The following IRAG1 variants were observed in gnomAD, a reference collection of about 807,000 sequenced individuals.
The protein encoded by IRAG1 is inositol 1,4,5-triphosphate receptor associated 1, also known as IP3R-associated cGMP kinase substrate.
A neutral mutation model predicts 106.2 loss-of-function variants in IRAG1; 62 were observed. The observed-to-expected ratio is 0.58, with a 90% CI of 0.48 to 0.72. The LOEUF (loss-of-function observed/expected upper bound fraction) is 0.72, where lower values mean the gene tolerates loss of function less well. Ranked by LOEUF, IRAG1 falls within the 30% of genes least tolerant of loss-of-function variation. IRAG1 has a pLI of 0.00. For missense variants in IRAG1, 1,064 were observed against 1,140.7 expected (o/e 0.93, Z 0.97); for synonymous variants, 462 against 443.9 (o/e 1.04, Z -0.51).
At chr11:10,675,964 C>G (rs1589962441) in intron 1 of IRAG1, among the ~76,000 whole-genome samples, 1 of 152,254 alleles carries the variant, frequency 6.6e-6, no homozygotes, top group African/African-American at 2.4e-5. Flanking sequence ...AGCCTCTCCC[C>G]TGCCTCATGG....
At chr11:10,613,227 C>T (rs980701092) in intron 10 of IRAG1, among the ~76,000 whole-genome samples, 11 of 145,536 alleles carry the variant, frequency 7.6e-5, no homozygotes, top group African/African-American at 2.6e-4. Context: ...TGACAGACCG[C>T]ATCATGTTAA....
Position 10,626,080 on chromosome 11 carries a change from T to A in IRAG1, c.1254A>T (p.Glu418Asp). The change falls in exon 9 of 21, where the codon GAA becomes GAT. Residue 418 changes from glutamate to aspartate, a missense_variant. Glu to Asp is a conservative substitution (Grantham distance 45, BLOSUM62 2). Transcript: ENST00000423302. ...KVLAKLPLAE[E>D]EKRFAGKAGG... The stretch of plus-strand genomic sequence containing the variant: ...CGGCCTTGCCTGCAAAACGCTTTTC[T>A]TCCTCTGCCAGTGGCAGCTTGGCAA... 6.5e-7 allele frequency: 1 copy of A among 1,539,834 alleles called. No individual in the cohort carries two copies. Among genetic ancestry groups the A allele is most frequent in the Middle Eastern group, 1.8e-4 (1 of 5,708 alleles).
At chr11:10,672,496 A>G (rs1860315815) in intron 1 of IRAG1, among the ~76,000 whole-genome samples, 2 of 152,230 alleles carry the variant, frequency 1.3e-5, no homozygotes, top group African/African-American at 4.8e-5. Flanking sequence ...AAGTAATACA[A>G]TTTTTAAATG....
rs1293018822 is a variant in IRAG1, at chr11:10,573,250, G to C, written c.*3082C>G. 3 of 152,192 alleles carry C rather than the reference G, an allele frequency of 2.0e-5. No homozygotes were observed. The highest frequency in any genetic ancestry group is 7.2e-5 in the African/African-American group (3 of 41,442). The allele number at this position is 152,192 out of a possible 1,614,324, so 9.4% of individuals were successfully genotyped here. A position where few individuals can be genotyped will look rare whatever the true frequency, so the allele number is the denominator to read the frequency against. ...CATTTACTCTGTCAGGCTGTATATG[G>C]GGAGCAACACATATGGCTTTGTGGC... On this transcript the variant is annotated 3_prime_UTR_variant, in exon 21 of 21. Coordinates refer to ENST00000423302, the MANE Select transcript of IRAG1 (RefSeq NM_130385.4).
intron 7 of IRAG1, 80 bp downstream of exon 7, chr11:10,627,893 C>T (rs769100114): frequency 7.2e-5 from 114 of 1,572,642 alleles, no homozygotes; most frequent in Non-Finnish European, 8.9e-5. Context: ...CAGTGGGTCA[C>T]GAAGGGCCTC....
chr11:10,678,102 C>T (rs1180097679), intron 1 of IRAG1, among the ~76,000 whole-genome samples: 1 of 152,036 alleles, frequency 6.6e-6, no homozygotes, highest in African/African-American at 2.4e-5. Context: ...GTGTTGTTTC[C>T]TCCTTTTGGC....
At chr11:10,586,387 C>T (rs1039211948) in intron 18 of IRAG1, among the ~76,000 whole-genome samples, 2 of 151,916 alleles carry the variant, frequency 1.3e-5, no homozygotes, top group Non-Finnish European at 2.9e-5. Flanking sequence ...CTCCCCTCCC[C>T]CACACCCTCT....
At chr11:10,583,492 A>G (rs576447309) in intron 18 of IRAG1, among the ~76,000 whole-genome samples, 44 of 152,330 alleles carry the variant, frequency 2.9e-4, no homozygotes, top group Admixed American at 1.2e-3. Context: ...ATTTGATAAT[A>G]CAGAGGTCAA....
At chr11:10,626,784 T>C (rs1432540312) in intron 8 of IRAG1, among the ~76,000 whole-genome samples, 1 of 152,208 alleles carries the variant, frequency 6.6e-6, no homozygotes, top group Non-Finnish European at 1.5e-5. Flanking sequence ...AAATGGAACC[T>C]GCAATCCAAA....
At chr11:10,583,285 T>C (rs1018117575) in intron 18 of IRAG1, among the ~76,000 whole-genome samples, 1 of 152,078 alleles carries the variant, frequency 6.6e-6, no homozygotes, top group Admixed American at 6.6e-5. Context: ...GACCAAGTCA[T>C]GAGGAACTCC....
chr11:10,667,002 CA>C (rs1859834635), intron 1 of IRAG1, among the ~76,000 whole-genome samples: 1 of 152,208 alleles, frequency 6.6e-6, no homozygotes, highest in Non-Finnish European at 1.5e-5. Flanking sequence ...TCGGCTCAGA[CA>C]CCCCTCTTTC....
intron 1 of IRAG1, among the ~76,000 whole-genome samples, chr11:10,675,843 T>A (rs12363422): frequency 1.3e-5 from 2 of 151,984 alleles, no homozygotes; most frequent in Non-Finnish European, 2.9e-5. Flanking sequence ...TGGCCACCTT[T>A]GCCCAGGTTA....
At position 10,634,077 on chromosome 11, in the gene IRAG1, G is replaced by A. The variant is rs747462984; in HGVS notation, c.226-6C>T. On this transcript the variant is annotated splice_region_variant and splice_polypyrimidine_tract_variant and intron_variant, in intron 2 of 20. Transcript: ENST00000423302. Reference sequence around the variant, plus strand: ...ACTCCTGCGGCAGGAGGACCCTGCCGGTTTAGAACAAAAACACAGAGTTAG... The same window carrying A: ...ACTCCTGCGGCAGGAGGACCCTGCCAGTTTAGAACAAAAACACAGAGTTAG... 3.2e-5 allele frequency: 51 copies of A among 1,579,774 alleles called. No homozygotes were observed. Among genetic ancestry groups the A allele is most frequent in the Non-Finnish European group, 3.8e-5 (44 of 1,155,458 alleles).
intron 1 of IRAG1, among the ~76,000 whole-genome samples, chr11:10,688,770 T>C (rs1313844637): frequency 2.0e-5 from 3 of 152,212 alleles, no homozygotes; most frequent in African/African-American, 4.8e-5. Flanking sequence ...TGCTCACAAT[T>C]TTTCCCATGC....
chr11:10,588,830 G>T (rs891746083), intron 18 of IRAG1, among the ~76,000 whole-genome samples: 1 of 152,314 alleles, frequency 6.6e-6, no homozygotes, highest in East Asian at 1.9e-4. Flanking sequence ...TTTCCCGCTA[G>T]ACTGCAAGCT....
At chr11:10,689,712 T>C (rs1861917511) in intron 1 of IRAG1, among the ~76,000 whole-genome samples, 1 of 152,326 alleles carries the variant, frequency 6.6e-6, no homozygotes, top group Non-Finnish European at 1.5e-5. Flanking sequence ...TGGAGAATCT[T>C]TAATGATATG....
chr11:10,614,392 C>G (rs897024469), intron 10 of IRAG1, among the ~76,000 whole-genome samples: 2 of 152,128 alleles, frequency 1.3e-5, no homozygotes, highest in Non-Finnish European at 2.9e-5. Flanking sequence ...GATTTCATGC[C>G]ATCCCCATCA....
chr11:10,605,581 C>G (rs961355993), intron 12 of IRAG1, among the ~76,000 whole-genome samples: 1 of 152,224 alleles, frequency 6.6e-6, no homozygotes, highest in African/African-American at 2.4e-5. Flanking sequence ...CGGTCATTAA[C>G]TTGTTCAAGG....
chr11:10,602,248 C>T (rs1436649883), intron 14 of IRAG1, among the ~76,000 whole-genome samples: 1 of 152,216 alleles, frequency 6.6e-6, no homozygotes, highest in Non-Finnish European at 1.5e-5. Context: ...CTCAGGGCTG[C>T]ACCACCCCAG....
Sources: gnomAD v4.1 joint callset for allele counts (sites outside exome capture counted in the v4.1 genomes callset) on GRCh38, gnomAD v4.1.1 for gene constraint, MANE v1.5 for transcripts, NCBI Gene and HGNC (gene_info 2026-07-23, HGNC 2026-07-21) for gene names.